ACSF2: variants seen among roughly 807,000 people sequenced by gnomAD.
ACSF2 encodes medium-chain acyl-CoA ligase ACSF2, mitochondrial.
A neutral mutation model predicts 79.3 loss-of-function variants in ACSF2; 52 were observed. That is an observed-to-expected ratio of 0.66 (90% confidence interval 0.53 to 0.83). The LOEUF is 0.83. ACSF2 is among the 40% of genes least tolerant of loss of function. ACSF2 has a pLI of 0.00. For synonymous variants in ACSF2, 283 were observed against 312.6 expected, an observed-to-expected ratio of 0.91 and a Z score of 1.00; for missense variants, 661 against 803.3, an observed-to-expected ratio of 0.82 and a Z score of 2.14.
Position 50,426,303 on chromosome 17 carries a change from C to T in ACSF2, c.42C>T (p.Cys14=), listed in dbSNP as rs1914967647. The T allele has an allele frequency of 7.1e-6, 10 of 1,415,958 alleles. No homozygotes were observed. The highest frequency in any genetic ancestry group is 2.7e-5 in the Admixed American group (1 of 36,730). 87.7% of individuals were successfully genotyped at this position (1,415,958 alleles called of 1,614,324 possible). A position where few individuals can be genotyped will look rare whatever the true frequency, so the allele number is the denominator to read the frequency against. ...GGATGCTGCGCCTGGGGAGGCTGTG[C>T]GCCGGGAGCTCGGGGGTGCTGGGGG... ...YVGMLRLGRL[C]AGSSGVLGAR... Residue 14 remains cysteine, a synonymous_variant, in exon 1 of 16, where the codon TGC becomes TGT. Coordinates refer to ENST00000300441, the MANE Select transcript of ACSF2 (RefSeq NM_025149.6).
At chr17:50,468,622 C>T (rs760240849) in intron 10 of ACSF2, 9 of 1,614,126 alleles carry the variant, frequency 5.6e-6, no homozygotes, top group Non-Finnish European at 6.8e-6. Flanking sequence ...CAGCCAGCAC[C>T]GGGAAGTTGT....
intron 1 of ACSF2, among the ~76,000 whole-genome samples, chr17:50,428,448 C>A (rs1457375919): frequency 6.6e-6 from 1 of 150,818 alleles, no homozygotes. Context: ...CCTCTGCACT[C>A]CAGCCTGGGT....
rs548728377 is a variant in ACSF2, at chr17:50,445,642, T to A, written c.129-15035T>A. Among the ~76,000 whole-genome samples the A allele has an allele frequency of 2.4e-3, 364 of 151,618 alleles. 2 individuals are homozygous for A. The highest frequency in any genetic ancestry group is 8.1e-3 in the African/African-American group (336 of 41,232). On this transcript the variant is annotated intron_variant, in intron 1 of 15. Coordinates refer to ENST00000300441, the MANE Select transcript of ACSF2 (RefSeq NM_025149.6). Reference sequence around the variant, plus strand: ...AGACACTCTGACTCTACAAAAAAAATTTTTTTTAATTATCTAGGTCTGCTG... The same window carrying A: ...AGACACTCTGACTCTACAAAAAAAAATTTTTTTAATTATCTAGGTCTGCTG...
At chr17:50,444,446 T>C (rs908096777) in intron 1 of ACSF2, among the ~76,000 whole-genome samples, 1 of 151,998 alleles carries the variant, frequency 6.6e-6, no homozygotes, top group Non-Finnish European at 1.5e-5. Flanking sequence ...TCCCAGCTAC[T>C]CCGGAGGGTG....
In ACSF2 at chr17:50,474,520, C is replaced by T. The variant is rs770755181; in HGVS notation, c.1816C>T (p.Arg606Ter). ...ISGKIQKFKL[R>*]EQMERHLNL is the part of the protein sequence containing the mutation. ...CCTCTAGATCCAGAAATTCAAACTT[C>T]GAGAGCAGATGGAACGACATCTAAA... The change falls in exon 16 of 16, where the codon CGA (arginine) becomes TGA (stop). Residue 606 changes from arginine to a stop codon, truncating the protein, a stop_gained. Transcript: ENST00000300441. LOFTEE classifies it high-confidence loss of function. This position sits in a 1 kb window ranked among gnomAD's most constrained non-coding sequence, Gnocchi z 4.2. 3.7e-6 allele frequency: 6 copies of T among 1,614,092 alleles called. No individual in the cohort carries two copies. Among genetic ancestry groups the T allele is most frequent in the South Asian group, 2.2e-5 (2 of 91,082 alleles).
At chr17:50,438,324 GT>G (rs2030598126) in intron 1 of ACSF2, among the ~76,000 whole-genome samples, 1 of 152,200 alleles carries the variant, frequency 6.6e-6, no homozygotes, top group Non-Finnish European at 1.5e-5. Flanking sequence ...CTGTATAGCA[GT>G]CCATCCTATG....
chr17:50,464,184 T>C (rs563319044), intron 9 of ACSF2, 34 bp from the exon 10 acceptor site: 43 of 1,606,702 alleles, frequency 2.7e-5, no homozygotes, highest in Middle Eastern at 1.7e-4. Context: ...GCCTGGAGAA[T>C]TGGGGAGCTG....
chr17:50,468,502 C>T, intron 10 of ACSF2: 1 of 1,614,248 alleles, frequency 6.2e-7, no homozygotes, highest in East Asian at 2.2e-5. Context: ...GGGACAGGTA[C>T]AAGTAGATAA....
At chr17:50,459,390 G>A (rs931733542) in intron 1 of ACSF2, among the ~76,000 whole-genome samples, 5 of 151,536 alleles carry the variant, frequency 3.3e-5, no homozygotes, top group South Asian at 2.1e-4. Flanking sequence ...ACAGGCATGC[G>A]CCACCATACC....
At chr17:50,449,565 C>T (rs538370260) in intron 1 of ACSF2, among the ~76,000 whole-genome samples, 101 of 151,464 alleles carry the variant, frequency 6.7e-4, no homozygotes, top group Non-Finnish European at 1.1e-3. Context: ...CCACCACGCC[C>T]GGCTAATTTT....
chr17:50,458,053 T>C (rs1338687405), intron 1 of ACSF2, among the ~76,000 whole-genome samples: 10 of 152,192 alleles, frequency 6.6e-5, no homozygotes, highest in Admixed American at 6.5e-4. Context: ...CAGCTCTCCA[T>C]GGACCACATC....
intron 1 of ACSF2, among the ~76,000 whole-genome samples, chr17:50,455,263 G>GTGAT (rs567809012): frequency 6.3e-4 from 96 of 152,320 alleles, no homozygotes; most frequent in Admixed American, 5.7e-3. Context: ...GATTACAGGT[G>GTGAT]TGATTCATCA....
At chr17:50,441,502 C>T (rs2030918660) in intron 1 of ACSF2, among the ~76,000 whole-genome samples, 1 of 152,194 alleles carries the variant, frequency 6.6e-6, no homozygotes, top group South Asian at 2.1e-4. Flanking sequence ...TCACAGGGCT[C>T]TGAAAAGATT....
At chr17:50,470,882 C>G in intron 10 of ACSF2, 146 bp from the exon 11 acceptor site, 2 of 654,920 alleles carry the variant, frequency 3.1e-6, no homozygotes, top group Non-Finnish European at 5.5e-6. Flanking sequence ...CCCCAGGCCC[C>G]TACCAATGAT....
At position 50,471,880 on chromosome 17, in the gene ACSF2, A is replaced by T. The variant is rs1274898722; in HGVS notation, c.1324-548A>T. The T allele has an allele frequency of 6.4e-6, 1 of 156,004 alleles. No individual in the cohort carries two copies. The allele number at this position is 156,004 out of a possible 1,614,324, so 9.7% of individuals were successfully genotyped here. A position where few individuals can be genotyped will look rare whatever the true frequency, so the allele number is the denominator to read the frequency against. On this transcript the variant is annotated intron_variant, in intron 11 of 15. Transcript: ENST00000300441. This position sits in a 1 kb window ranked among gnomAD's most constrained non-coding sequence, Gnocchi z 4.1. ...CTACAGCTGCACTGCCACTGTCACT[A>T]AGATGCCCACCTGGAAGGGAAACAG... is the stretch of plus-strand genomic sequence containing the variant.
chr17:50,468,949 A>ACGTGGAGCAT, intron 10 of ACSF2: 1 of 1,404,426 alleles, frequency 7.1e-7, no homozygotes, highest in Non-Finnish European at 9.2e-7. Context: ...GCCAGCTCCT[A>ACGTGGAGCAT]CGTGGAGCAT....
rs201782861 is a variant in ACSF2 at position 50,463,146 on chromosome 17, G to A, written c.793-10G>A. 1.2e-6 allele frequency: 2 copies of A among 1,612,496 alleles called. No individual in the cohort carries two copies. Among genetic ancestry groups the A allele is most frequent in the African/African-American group, 2.7e-5 (2 of 75,028 alleles). The stretch of plus-strand genomic sequence containing the variant: ...AAGGAGGCCAAGCCATGCCCTGTTT[G>A]CCTTGTCAGGGGACAACAGGCAGCC... On this transcript the variant is annotated splice_polypyrimidine_tract_variant and intron_variant, in intron 6 of 15. Transcript: ENST00000300441. This position sits in a 1 kb window ranked among gnomAD's most constrained non-coding sequence, Gnocchi z 4.6.
At chr17:50,457,960 C>T (rs989539044) in intron 1 of ACSF2, among the ~76,000 whole-genome samples, 1 of 152,208 alleles carries the variant, frequency 6.6e-6, no homozygotes, top group African/African-American at 2.4e-5. Context: ...TCCCGGTCCA[C>T]TCCCCAGAAG....
chr17:50,473,459 G>T, intron 12 of ACSF2: 1 of 614,172 alleles, frequency 1.6e-6, no homozygotes, highest in Admixed American at 3.0e-5. Context: ...GACAGAATAT[G>T]TTATAGGTAT....
Sources: allele counts gnomAD v4.1 joint callset (sites outside exome capture counted in the v4.1 genomes callset), GRCh38; gene constraint gnomAD v4.1.1; non-coding constraint Gnocchi (gnomAD v3.1); transcripts MANE v1.5; gene names NCBI Gene and HGNC (gene_info 2026-07-23, HGNC 2026-07-21).